The following CREB3L2 variants were observed in gnomAD, a reference collection of about 807,000 sequenced individuals.
CREB3L2 encodes the protein cyclic AMP-responsive element-binding protein 3-like protein 2.
A neutral mutation model predicts 57.2 loss-of-function variants in CREB3L2; 23 were observed. The ratio of observed to expected loss-of-function variants is 0.40; its 90% confidence interval spans 0.29 to 0.57. CREB3L2 has a LOEUF of 0.57. CREB3L2 is among the 20% of genes least tolerant of loss of function. The probability of loss-of-function intolerance (pLI) is 0.42; values close to 1 mark genes in which losing one functional copy is unlikely to be tolerated. For synonymous variants in CREB3L2, 268 were observed against 265.1 expected (o/e 1.01, Z -0.11); for missense variants, 628 against 634.7 (o/e 0.99, Z 0.11).
Position 137,884,857 on chromosome 7 carries a change from C to T in CREB3L2, c.1270+138G>A, listed in dbSNP as rs768269944. The T allele has an allele frequency of 1.5e-5, 19 of 1,261,840 alleles. No homozygotes were observed. In the South Asian group the frequency reaches 2.1e-4, roughly 14 times the overall value. The allele number at this position is 1,261,840 out of a possible 1,614,324, so 78.2% of individuals were successfully genotyped here. On this transcript the variant is annotated intron_variant, in intron 10 of 11. Transcript: ENST00000330387. ...GGGCCCCAGGGGAACCCCCACTTGC[C>T]TCTTCAAAGGGAGAAGCTCCACTTT... is the stretch of plus-strand genomic sequence containing the variant.
intron 8 of CREB3L2, among the ~76,000 whole-genome samples, chr7:137,890,793 G>A (rs370978255): frequency 6.6e-6 from 1 of 152,200 alleles, no homozygotes; most frequent in Admixed American, 6.5e-5. Context: ...CTGCAGCAAT[G>A]GGAGCTTGGA....
chr7:137,879,456 C>T lies in CREB3L2; in HGVS notation c.*1020G>A, dbSNP rs564395497. ...AAAACAGGATAGAAAAAGCTTGTGG[C>T]CAGGGAGCCCGGGGCCTGAGTGAGG... On this transcript the variant is annotated 3_prime_UTR_variant, in exon 12 of 12. Transcript: ENST00000330387. 3.1e-4 allele frequency: 119 copies of T among 379,260 alleles called. No homozygotes were observed. In the Middle Eastern group the frequency reaches 4.0e-3, roughly 13 times the overall value. 23.5% of individuals were successfully genotyped at this position (379,260 alleles called of 1,614,324 possible). A position where few individuals can be genotyped will look rare whatever the true frequency, so the allele number is the denominator to read the frequency against.
Position 137,880,423 on chromosome 7 carries a change from T to G in CREB3L2, c.*53A>C. ...AGGAAAAGCTGATGACAAAGGTGGTTTGGGGATGTAAAAGTAGAGTTAAGG... is the reference window on the plus strand; with the variant it reads ...AGGAAAAGCTGATGACAAAGGTGGTGTGGGGATGTAAAAGTAGAGTTAAGG... On this transcript the variant is annotated 3_prime_UTR_variant, in exon 12 of 12. Coordinates refer to ENST00000330387, the MANE Select transcript of CREB3L2 (RefSeq NM_194071.4). The surrounding 1 kb of genome is among the most constrained non-coding windows in gnomAD (Gnocchi z 4.0). 1 of 1,414,858 alleles carries G rather than the reference T, an allele frequency of 7.1e-7. No individual in the cohort carries two copies. Among genetic ancestry groups the G allele is most frequent in the Non-Finnish European group, 9.9e-7 (1 of 1,005,068 alleles). 87.6% of individuals were successfully genotyped at this position (1,414,858 alleles called of 1,614,324 possible). A position where few individuals can be genotyped will look rare whatever the true frequency, so the allele number is the denominator to read the frequency against.
chr7:137,899,463 G>A lies in CREB3L2; in HGVS notation c.1043+1891C>T, dbSNP rs965494445. Among the ~76,000 whole-genome samples the A allele has an allele frequency of 3.3e-5, 5 of 152,380 alleles. No individual in the cohort carries two copies. The East Asian group carries it at 5.8e-4, about 18-fold the overall frequency. ...GGAAGCAAGTGCCAGGATGGGTGCC[G>A]GGAACGCCTATCGGCTCAGGATGCT... is the stretch of plus-strand genomic sequence containing the variant. On this transcript the variant is annotated intron_variant, in intron 8 of 11. Coordinates refer to ENST00000330387, the MANE Select transcript of CREB3L2 (RefSeq NM_194071.4).
intron 2 of CREB3L2, among the ~76,000 whole-genome samples, chr7:137,922,437 CGTATATATATA>C (rs1800340154): frequency 3.0e-5 from 3 of 98,932 alleles, no homozygotes; most frequent in African/African-American, 2.0e-4. Context: ...TATATATATA[CGTATATATATA>C]TATATACACA....
intron 1 of CREB3L2, among the ~76,000 whole-genome samples, chr7:137,977,024 T>C (rs1178064435): frequency 6.6e-6 from 1 of 152,178 alleles, no homozygotes; most frequent in Non-Finnish European, 1.5e-5. Context: ...AAATTCCCTT[T>C]ATTCCTTTAG....
chr7:137,904,061 G>GT, intron 6 of CREB3L2, 44 bp from the exon 7 acceptor site: 1 of 1,517,308 alleles, frequency 6.6e-7, no homozygotes, highest in Non-Finnish European at 9.2e-7. Flanking sequence ...TTCCAGCTCT[G>GT]TAAGTAAACC....
intron 1 of CREB3L2, among the ~76,000 whole-genome samples, chr7:137,977,559 A>C (rs1585672577): frequency 6.6e-6 from 1 of 152,052 alleles, no homozygotes; most frequent in Non-Finnish European, 1.5e-5. Flanking sequence ...AAGGCAATAA[A>C]TGACAGATAG....
chr7:137,900,818 A>G (rs1799737858), intron 8 of CREB3L2, among the ~76,000 whole-genome samples: 1 of 152,114 alleles, frequency 6.6e-6, no homozygotes, highest in African/African-American at 2.4e-5. Flanking sequence ...AAAAGAAAAA[A>G]AAAATACCAA....
rs1015467051 is a variant in CREB3L2, at chr7:137,878,509, G to A, written c.*1967C>T. Reference sequence around the variant, plus strand: ...ACCAGCCAGGCCCAACAGGATCTGGGCTGCAGACAGTGGAGCAGAGAGAAG... The same window carrying A: ...ACCAGCCAGGCCCAACAGGATCTGGACTGCAGACAGTGGAGCAGAGAGAAG... On this transcript the variant is annotated 3_prime_UTR_variant, in exon 12 of 12. Transcript: ENST00000330387. The A allele has an allele frequency of 6.4e-5, 15 of 233,524 alleles. No homozygotes were observed. The Admixed American group carries it at 7.9e-4, about 12-fold the overall frequency. The allele number at this position is 233,524 out of a possible 1,614,324, so 14.5% of individuals were successfully genotyped here. A position where few individuals can be genotyped will look rare whatever the true frequency, so the allele number is the denominator to read the frequency against.
intron 1 of CREB3L2, among the ~76,000 whole-genome samples, chr7:137,983,392 G>T (rs1403565548): frequency 2.0e-5 from 3 of 152,210 alleles, no homozygotes; most frequent in African/African-American, 7.2e-5. Context: ...AAACTTCAGA[G>T]GAAACGCTGG....
intron 8 of CREB3L2, among the ~76,000 whole-genome samples, chr7:137,889,448 C>T (rs1348317289): frequency 2.6e-5 from 4 of 152,220 alleles, no homozygotes; most frequent in Admixed American, 1.3e-4. Flanking sequence ...TATTCTGAAT[C>T]CACTGCAAAT....
At chr7:137,976,477 A>G (rs1001365437) in intron 1 of CREB3L2, among the ~76,000 whole-genome samples, 5 of 152,244 alleles carry the variant, frequency 3.3e-5, no homozygotes, top group African/African-American at 1.2e-4. Context: ...CCAGCATTCT[A>G]ATTTAAAATA....
chr7:137,905,812 CCT>C lies in CREB3L2; in HGVS notation c.803_804del (p.Glu268GlyfsTer9). On this transcript the variant is annotated frameshift_variant, in exon 6 of 12. Transcript: ENST00000330387. LOFTEE classifies it high-confidence loss of function. ...LQGSGPLVLT[E>X]EEKRTLIAEG... Reference sequence around the variant, plus strand: ...TCAGCGATCAGGGTCCTCTTCTCCTCCTCTGTCAGGACCAGAGGGCCTGATCC... The same window carrying C: ...TCAGCGATCAGGGTCCTCTTCTCCTCCTGTCAGGACCAGAGGGCCTGATCC... 6.2e-7 allele frequency: 1 copy of C among 1,614,108 alleles called. No homozygotes were observed. Among genetic ancestry groups the C allele is most frequent in the Non-Finnish European group, 8.5e-7 (1 of 1,179,976 alleles).
At position 137,986,345 on chromosome 7, in the gene CREB3L2, C is replaced by T. The variant is rs542052134; in HGVS notation, c.102+15259G>A. 2.0e-5 allele frequency among the ~76,000 whole-genome samples: 3 copies of T among 152,364 alleles called. No individual in the cohort carries two copies. In the East Asian group the frequency reaches 5.8e-4, roughly 29 times the overall value. On this transcript the variant is annotated intron_variant, in intron 1 of 11. Coordinates refer to ENST00000330387, the MANE Select transcript of CREB3L2 (RefSeq NM_194071.4). Reference sequence around the variant, plus strand: ...CAGACAAGCACACTTATCAGGGCTTCCCAACAGGTATGCCGGGGAGTGCCC... The same window carrying T: ...CAGACAAGCACACTTATCAGGGCTTTCCAACAGGTATGCCGGGGAGTGCCC...
intron 1 of CREB3L2, among the ~76,000 whole-genome samples, chr7:137,983,318 C>T (rs193230644): frequency 9.6e-4 from 146 of 152,242 alleles, no homozygotes; most frequent in Non-Finnish European, 1.7e-3. Flanking sequence ...ACAAGAGAAG[C>T]AAGGGCAGAA....
intron 1 of CREB3L2, among the ~76,000 whole-genome samples, chr7:137,993,607 C>T (rs1725226929): frequency 6.6e-6 from 1 of 152,160 alleles, no homozygotes; most frequent in Admixed American, 6.5e-5. Context: ...GTAAACTCAA[C>T]CTCCTGGGCT....
At chr7:137,884,673 C>T (rs1036897660) in intron 10 of CREB3L2, 11 of 585,944 alleles carry the variant, frequency 1.9e-5, no homozygotes, top group African/African-American at 7.4e-5. Flanking sequence ...TCACAGAAAG[C>T]GACAGACTCT....
chr7:137,968,690 C>T (rs894914400), intron 1 of CREB3L2, among the ~76,000 whole-genome samples: 1 of 152,190 alleles, frequency 6.6e-6, no homozygotes, highest in Non-Finnish European at 1.5e-5. Context: ...CTCAGCCTCA[C>T]ACTGTTTCAA....
Sources: allele counts gnomAD v4.1 joint callset (sites outside exome capture counted in the v4.1 genomes callset), GRCh38; gene constraint gnomAD v4.1.1; non-coding constraint Gnocchi (gnomAD v3.1); transcripts MANE v1.5; gene names NCBI Gene and HGNC (gene_info 2026-07-23, HGNC 2026-07-21).